The following SORT1 variants were observed in gnomAD, a reference collection of about 807,000 sequenced individuals.
SORT1 encodes the protein sortilin.
A neutral mutation model predicts 101.7 loss-of-function variants in SORT1; 39 were observed. The ratio of observed to expected loss-of-function variants is 0.38; its 90% CI spans 0.30 to 0.50. The LOEUF (loss-of-function observed/expected upper bound fraction) is 0.50. Among genes scored for constraint, SORT1 ranks in the 20% least tolerant of loss-of-function variants. The pLI, the probability that SORT1 is intolerant of heterozygous loss-of-function variation, is 0.90. For missense variants in SORT1, 878 were observed against 1,040.4 expected (o/e 0.84, Z 2.15); for synonymous variants, 396 against 393.7 (o/e 1.01, Z -0.07).
chr1:109,338,882 C>T (rs1557793617), intron 10 of SORT1, among the ~76,000 whole-genome samples: 1 of 144,868 alleles, frequency 6.9e-6, no homozygotes, highest in Non-Finnish European at 1.5e-5. Context: ...GACTCTGATA[C>T]TTTTTTTTTT....
chr1:109,341,593 C>G (rs1250108042), intron 9 of SORT1, among the ~76,000 whole-genome samples: 10 of 152,150 alleles, frequency 6.6e-5, no homozygotes. Flanking sequence ...TCGTGATCTG[C>G]CCGCCTCAGC....
intron 6 of SORT1, among the ~76,000 whole-genome samples, chr1:109,350,532 G>A (rs1649893762): frequency 6.6e-6 from 1 of 152,146 alleles, no homozygotes. Flanking sequence ...CTGATTCCTT[G>A]CCATGTTCTA....
At chr1:109,320,124 AG>A (rs1647526279) in intron 15 of SORT1, among the ~76,000 whole-genome samples, 1 of 152,024 alleles carries the variant, frequency 6.6e-6, no homozygotes, top group African/African-American at 2.4e-5. Context: ...TGCCGGGGGC[AG>A]GGGGCAGGTA....
rs1648131981 is a variant in SORT1 at position 109,327,126 on chromosome 1, T to C, written c.1509A>G (p.Pro503=). ...CCCCATCATCTGAGATGTACACATC[T>C]GGAACCATCACTGAGATGGCATCCC... is the stretch of plus-strand genomic sequence containing the variant. The part of the protein sequence containing the change: ...SVGDAISVMV[P]DVYISDDGGY... The change falls in exon 13 of 20, where the codon CCA becomes CCG. Residue 503 remains proline (P), a synonymous_variant. Coordinates refer to ENST00000256637, the MANE Select transcript of SORT1 (RefSeq NM_002959.7). 1.2e-6 allele frequency: 2 copies of C among 1,613,638 alleles called. No individual in the cohort carries two copies. Among genetic ancestry groups the C allele is most frequent in the African/African-American group, 2.7e-5 (2 of 74,908 alleles).
intron 6 of SORT1, among the ~76,000 whole-genome samples, chr1:109,350,343 CCT>C (rs1459605891): frequency 6.6e-6 from 1 of 152,180 alleles, no homozygotes; most frequent in Non-Finnish European, 1.5e-5. Flanking sequence ...AGGTTGAGCC[CCT>C]GACTAGCAGC....
At chr1:109,320,569 T>A (rs1647558446) in intron 15 of SORT1, among the ~76,000 whole-genome samples, 2 of 152,228 alleles carry the variant, frequency 1.3e-5, no homozygotes, top group Admixed American at 6.5e-5. Context: ...TCCCAGATGC[T>A]CATGGTCAAA....
intron 10 of SORT1, among the ~76,000 whole-genome samples, chr1:109,339,596 G>A (rs138194674): frequency 2.6e-5 from 4 of 152,308 alleles, no homozygotes; most frequent in African/African-American, 9.6e-5. Context: ...AGAATATAAT[G>A]TGTTTGCAAT....
At chr1:109,380,404 T>C (rs1314096695) in intron 1 of SORT1, among the ~76,000 whole-genome samples, 3 of 152,138 alleles carry the variant, frequency 2.0e-5, no homozygotes, top group South Asian at 2.1e-4. Context: ...ACTCTGACTA[T>C]GTAAAAAGTT....
Position 109,345,893 on chromosome 1 carries a change from C to T in SORT1, c.833-12G>A, listed in dbSNP as rs777446545. 12 of 1,602,024 alleles carry T rather than the reference C, an allele frequency of 7.5e-6. No individual in the cohort carries two copies. The highest frequency in any genetic ancestry group is 1.4e-5 in the African/African-American group (1 of 74,014). ...CCCAAGGTCAGCTTCTTAAACAAGA[C>T]AAAATATTAATTAAAATTTCACTTA... On this transcript the variant is annotated splice_polypyrimidine_tract_variant and intron_variant, in intron 7 of 19. Transcript: ENST00000256637.
intron 3 of SORT1, among the ~76,000 whole-genome samples, chr1:109,355,992 C>T (rs1377416940): frequency 6.6e-6 from 1 of 152,120 alleles, no homozygotes; most frequent in Non-Finnish European, 1.5e-5. Context: ...CAGCCTCAGC[C>T]TCCCGAGTAG....
rs1000059151 is a variant in SORT1, at chr1:109,313,680, A to T, written c.*363T>A. The T allele has an allele frequency of 3.6e-6, 1 of 279,314 alleles. No homozygotes were observed. The highest frequency in any genetic ancestry group is 6.8e-6 in the Non-Finnish European group (1 of 147,410). The allele number at this position is 279,314 out of a possible 1,614,324, so 17.3% of individuals were successfully genotyped here. A position where few individuals can be genotyped will look rare whatever the true frequency, so the allele number is the denominator to read the frequency against. On this transcript the variant is annotated 3_prime_UTR_variant, in exon 20 of 20. Transcript: ENST00000256637. ...CTGGAGTTGGCAGATGCCCTGGGGCAGGCGCCATGCAGAACACACAGAAGT... is the reference window on the plus strand; with the variant it reads ...CTGGAGTTGGCAGATGCCCTGGGGCTGGCGCCATGCAGAACACACAGAAGT...
chr1:109,380,050 T>C (rs575907585), intron 1 of SORT1, among the ~76,000 whole-genome samples: 3 of 152,054 alleles, frequency 2.0e-5, no homozygotes, highest in South Asian at 4.1e-4. Flanking sequence ...CCCAGGTGGG[T>C]GGACTGCTTG....
At chr1:109,393,682 T>C (rs1570999022) in intron 1 of SORT1, among the ~76,000 whole-genome samples, 1 of 152,164 alleles carries the variant, frequency 6.6e-6, no homozygotes, top group Non-Finnish European at 1.5e-5. Context: ...AGGAAGATTA[T>C]TGAGTCTAAG....
chr1:109,361,644 T>A (rs1650727491), intron 3 of SORT1, among the ~76,000 whole-genome samples: 1 of 152,246 alleles, frequency 6.6e-6, no homozygotes, highest in South Asian at 2.1e-4. Context: ...GTAACAAGGA[T>A]GATGGTAAAC....
chr1:109,354,426 G>C lies in SORT1; in HGVS notation c.649C>G (p.Leu217Val), dbSNP rs895188357. ...TGAGGGCTATACATCATCTGAGTGA[G>C]AGGATGAAAAGGGAGATCTGTTTGC... ...FVQTDLPFHP[L>V]TQMMYSPQNS... Residue 217 changes from leucine (L) to valine (V), a missense_variant, in exon 5 of 20, where the codon CTC becomes GTC. This residue lies in a region of SORT1 where 684 missense variants were observed against 894.5 expected (regional missense o/e 0.76). Coordinates refer to ENST00000256637, the MANE Select transcript of SORT1 (RefSeq NM_002959.7). 1.9e-6 allele frequency: 3 copies of C among 1,613,520 alleles called. No homozygotes were observed. Among genetic ancestry groups the C allele is most frequent in the Non-Finnish European group, 1.7e-6 (2 of 1,179,476 alleles).
chr1:109,319,585 G>C (rs905784206), intron 15 of SORT1, among the ~76,000 whole-genome samples: 10 of 151,928 alleles, frequency 6.6e-5, no homozygotes, highest in Non-Finnish European at 1.0e-4. Flanking sequence ...TAAGTGTCTG[G>C]GCCGGGCGTG....
At chr1:109,318,577 G>A (rs17036532) in intron 15 of SORT1, among the ~76,000 whole-genome samples, 6,749 of 152,294 alleles carry the variant, frequency 0.044, 509 homozygotes, top group African/African-American at 0.15. Flanking sequence ...AGCCTGCAGA[G>A]GGGTGGAGAC....
intron 15 of SORT1, among the ~76,000 whole-genome samples, chr1:109,319,267 T>A (rs1315660747): frequency 3.9e-5 from 6 of 152,196 alleles, no homozygotes; most frequent in Non-Finnish European, 8.8e-5. Context: ...CTCCTTTTCC[T>A]GTTTACCCCA....
intron 15 of SORT1, 74 bp downstream of exon 15, chr1:109,322,858 G>T: frequency 1.6e-6 from 2 of 1,219,584 alleles, no homozygotes; most frequent in Non-Finnish European, 2.3e-6. Context: ...ATATTTGTTA[G>T]CCCTATAAGA....
Sources: gnomAD v4.1 joint callset for allele counts (sites outside exome capture counted in the v4.1 genomes callset) on GRCh38, gnomAD v4.1.1 for gene constraint, gnomAD v4.1.1 regional missense constraint, MANE v1.5 for transcripts, NCBI Gene and HGNC (gene_info 2026-07-23, HGNC 2026-07-21) for gene names.